The following FGF13 variants were observed in gnomAD, a reference collection of about 807,000 sequenced individuals.
FGF13 encodes fibroblast growth factor homologous factor 2.
A neutral mutation model predicts 19.5 loss-of-function variants in FGF13; 2 were observed. The ratio of observed to expected loss-of-function variants is 0.10; its 90% CI spans 0.04 to 0.32. FGF13 has a LOEUF of 0.32. Ranked by LOEUF, FGF13 falls within the 10% of genes least tolerant of loss-of-function variation. FGF13 has a pLI of 1.00. For synonymous variants in FGF13, 72 were observed against 76.9 expected, an observed-to-expected ratio of 0.94 and a Z score of 0.33; for missense variants, 113 against 192.7, an observed-to-expected ratio of 0.59 and a Z score of 2.45.
At chrX:138,916,976 A>C (rs1332242505) in intron 1 of FGF13, among the ~76,000 whole-genome samples, 1 of 112,087 alleles carries the variant, frequency 8.9e-6, no homozygotes, top group Non-Finnish European at 1.9e-5. Context: ...AAAGAGGGAA[A>C]GAGAGGGAAC....
chrX:138,812,442 G>A (rs2090933131), intron 3 of FGF13, among the ~76,000 whole-genome samples: 1 of 110,812 alleles, frequency 9.0e-6, no homozygotes, highest in African/African-American at 3.3e-5. Flanking sequence ...TTGGTTTTTG[G>A]TTCATCATCT....
chrX:139,151,100 G>GA (rs369804874), intron 1 of FGF13, among the ~76,000 whole-genome samples: 10,360 of 101,828 alleles, frequency 0.1, 1,042 homozygotes, highest in African/African-American at 0.3. Context: ...TGGGAGGGAA[G>GA]AAAAAAAAAA....
Position 138,708,873 on chromosome X carries a change from C to A in FGF13, c.243G>T (p.Leu81Phe). Residue 81 changes from leucine (L) to phenylalanine (F), a missense_variant, in exon 2 of 5, where the codon TTG (leucine) becomes TTT (phenylalanine). This residue lies in a region of FGF13 where 51 missense variants were observed against 78.5 expected (regional missense o/e 0.65). Coordinates refer to ENST00000315930, the MANE Select transcript of FGF13 (RefSeq NM_004114.5). ...TKLYSRQGYH[L>F]QLQADGTIDG... is the part of the protein sequence containing the mutation. ...CAATGGTTCCATCCGCCTGCAGCTGCAAGTGGTAGCCTTGTCGGCTGTATA... is the reference window on the plus strand; with the variant it reads ...CAATGGTTCCATCCGCCTGCAGCTGAAAGTGGTAGCCTTGTCGGCTGTATA... 1 of 1,210,735 alleles carries A rather than the reference C, an allele frequency of 8.3e-7. No individual in the cohort carries two copies. The highest frequency in any genetic ancestry group is 1.1e-6 in the Non-Finnish European group (1 of 894,439).
intron 1 of FGF13, among the ~76,000 whole-genome samples, chrX:139,084,169 GA>G (rs1406495312): frequency 8.2e-5 from 9 of 109,949 alleles, no homozygotes; most frequent in Non-Finnish European, 1.1e-4. Context: ...TGATAATGGA[GA>G]AAAAGAAAAT....
At chrX:138,701,192 T>G (rs1381678905) in intron 3 of FGF13, among the ~76,000 whole-genome samples, 3 of 112,530 alleles carry the variant, frequency 2.7e-5, no homozygotes, top group Non-Finnish European at 5.6e-5. Flanking sequence ...AAATTCTGGA[T>G]GATTTATCAG....
At chrX:138,712,216 G>C (rs1176157510), upstream of FGF13, 2 of 111,789 alleles carry the variant, frequency 1.8e-5, no homozygotes, top group Non-Finnish European at 3.8e-5. Flanking sequence ...AGCCCCAGCG[G>C]TAGCAGCAGA....
intron 1 of FGF13, among the ~76,000 whole-genome samples, chrX:139,054,272 A>G (rs1219782897): frequency 9.3e-6 from 1 of 107,369 alleles, no homozygotes; most frequent in African/African-American, 3.4e-5. Context: ...ACAGGCACCC[A>G]CCACCATGCC....
chrX:139,168,365 A>G (rs761752025), intron 1 of FGF13, among the ~76,000 whole-genome samples: 53 of 111,429 alleles, frequency 4.8e-4, no homozygotes, highest in Non-Finnish European at 7.9e-4. Context: ...TAAATATATC[A>G]TTTTTTTATT....
At chrX:139,173,350 G>C (rs1041043647) in intron 1 of FGF13, among the ~76,000 whole-genome samples, 1 of 109,783 alleles carries the variant, frequency 9.1e-6, no homozygotes, top group African/African-American at 3.3e-5. Flanking sequence ...TGTCTCATCA[G>C]ATAGCTCTTT....
At chrX:138,945,303 C>T (rs143003607) in intron 1 of FGF13, among the ~76,000 whole-genome samples, 1,397 of 111,229 alleles carry the variant, frequency 0.013, 29 homozygotes, top group African/African-American at 0.043. Flanking sequence ...AAGTCCTAAA[C>T]GCATGGGAAA....
chrX:139,130,149 A>C (rs1353751124), intron 1 of FGF13, among the ~76,000 whole-genome samples: 4 of 112,005 alleles, frequency 3.6e-5, no homozygotes, highest in Non-Finnish European at 5.6e-5. Context: ...TTTTGCTAGC[A>C]ATTTGTCACA....
At chrX:138,854,324 C>A (rs1402465035), downstream of FGF13, among the ~76,000 whole-genome samples, 1 of 111,373 alleles carries the variant, frequency 9.0e-6, no homozygotes, top group Non-Finnish European at 1.9e-5. Flanking sequence ...AAATAGAAAC[C>A]TGGTATTGGC....
At chrX:138,869,387 A>C (rs1387852468) in intron 1 of FGF13, among the ~76,000 whole-genome samples, 1 of 112,678 alleles carries the variant, frequency 8.9e-6, no homozygotes, top group Non-Finnish European at 1.9e-5. Context: ...TGGCTGTGCC[A>C]CTGATGAGAG....
chrX:138,633,609 T>G (rs1410167886), intron 4 of FGF13, among the ~76,000 whole-genome samples: 1 of 112,185 alleles, frequency 8.9e-6, no homozygotes, highest in Non-Finnish European at 1.9e-5. Context: ...TGGATAATTC[T>G]TGGTACAGTA....
At chrX:138,991,330 T>C (rs2092014872) in intron 1 of FGF13, among the ~76,000 whole-genome samples, 1 of 112,389 alleles carries the variant, frequency 8.9e-6, no homozygotes, top group Non-Finnish European at 1.9e-5. Context: ...ATGGTTGTTA[T>C]TGCTCTCATA....
rs1390994166 is a variant in FGF13, at chrX:138,984,591, G to GAAGA, written c.-112-119942_-112-119941insTCTT. On this transcript the variant is annotated intron_variant, in intron 1 of 2. Coordinates refer to the FGF13 transcript ENST00000421460. ...GAAGAAGAAGAAGAAGAAGAAGAAG[G>GAAGA]AGGAGGAGGAGGAGGAGGAGGAGGA... 2.9e-3 allele frequency among the ~76,000 whole-genome samples: 54 copies of GAAGA among 18,623 alleles called. 4 individuals are homozygous for GAAGA. Among genetic ancestry groups the GAAGA allele is most frequent in the Admixed American group, 6.3e-3 (10 of 1,590 alleles). 16.2% of individuals were successfully genotyped at this position (18,623 alleles called of 115,157 possible). A position where few individuals can be genotyped will look rare whatever the true frequency, so the allele number is the denominator to read the frequency against.
chrX:139,083,210 T>C (rs763180401), intron 1 of FGF13, among the ~76,000 whole-genome samples: 6 of 111,267 alleles, frequency 5.4e-5, no homozygotes, highest in Non-Finnish European at 1.1e-4. Context: ...TTCATTTTAT[T>C]TTTCTCCCGT....
intron 3 of FGF13, among the ~76,000 whole-genome samples, chrX:138,782,551 C>G (rs1170771767): frequency 3.0e-4 from 32 of 105,457 alleles, no homozygotes; most frequent in African/African-American, 1.1e-3. Context: ...CATGAGTGAA[C>G]TCCCATTCAC....
chrX:138,887,620 T>C (rs1242525768), intron 1 of FGF13, among the ~76,000 whole-genome samples: 2 of 111,737 alleles, frequency 1.8e-5, no homozygotes, highest in East Asian at 5.6e-4. Flanking sequence ...AGACAATATA[T>C]AAATGTGTTC....
Sources: allele counts gnomAD v4.1 joint callset (sites outside exome capture counted in the v4.1 genomes callset), GRCh38; gene constraint gnomAD v4.1.1; regional missense constraint gnomAD v4.1.1; transcripts MANE v1.5; gene names NCBI Gene and HGNC (gene_info 2026-07-23, HGNC 2026-07-21).